The following LIPC variants were observed in gnomAD, a reference collection of about 807,000 sequenced individuals.
The protein encoded by LIPC is lipase C, hepatic type.
In LIPC, 44 loss-of-function variants were observed where a neutral mutation model predicts 50.7. That is an observed-to-expected ratio of 0.87 (90% CI 0.68 to 1.11). The LOEUF (loss-of-function observed/expected upper bound fraction) is 1.11, where lower values mean the gene tolerates loss of function less well. Ranked by LOEUF, LIPC falls within the 50% of genes most tolerant of loss-of-function variation. LIPC has a pLI of 0.00. For synonymous variants in LIPC, 271 were observed against 256.4 expected (o/e 1.06, Z -0.54); for missense variants, 697 against 648.2 (o/e 1.08, Z -0.82).
chr15:58,513,462 C>G (rs905537434), intron 1 of LIPC, among the ~76,000 whole-genome samples: 1 of 152,182 alleles, frequency 6.6e-6, no homozygotes, highest in African/African-American at 2.4e-5. Flanking sequence ...CAAACCGTTG[C>G]TCTGGGCTGC....
At chr15:58,548,709 A>G in intron 6 of LIPC, 137 bp downstream of exon 6, 1 of 1,228,102 alleles carries the variant, frequency 8.1e-7, no homozygotes, top group Non-Finnish European at 1.1e-6. Flanking sequence ...TGCAGGCTCC[A>G]GACAGCAACG....
At chr15:58,491,870 C>T (rs1260902617) in intron 1 of LIPC, among the ~76,000 whole-genome samples, 1 of 152,214 alleles carries the variant, frequency 6.6e-6, no homozygotes, top group Non-Finnish European at 1.5e-5. Context: ...CTGCCTGCCA[C>T]GTGATTCCTA....
intron 1 of LIPC, among the ~76,000 whole-genome samples, chr15:58,471,336 G>GGA (rs35752762): frequency 2.2e-5 from 3 of 135,006 alleles, no homozygotes; most frequent in Admixed American, 2.1e-4. Context: ...GATGGGGGGG[G>GGA]GTGGTCTCAC....
At chr15:58,511,698 T>C (rs1211374305) in intron 1 of LIPC, among the ~76,000 whole-genome samples, 1 of 152,210 alleles carries the variant, frequency 6.6e-6, no homozygotes, top group South Asian at 2.1e-4. Context: ...TTCCAGGAAT[T>C]CATTCAAAGA....
chr15:58,494,895 G>A (rs892437003), intron 1 of LIPC: 24 of 455,978 alleles, frequency 5.3e-5, no homozygotes, highest in South Asian at 2.5e-4. Flanking sequence ...TGTTTTGATT[G>A]ACAATACAAA....
intron 1 of LIPC, among the ~76,000 whole-genome samples, chr15:58,444,162 G>T (rs1237449322): frequency 2.0e-5 from 3 of 152,180 alleles, no homozygotes; most frequent in Admixed American, 6.5e-5. Flanking sequence ...GGCACTCTTG[G>T]TGTATTATTG....
intron 1 of LIPC, among the ~76,000 whole-genome samples, chr15:58,440,066 A>C (rs1893451344): frequency 6.6e-6 from 1 of 152,252 alleles, no homozygotes; most frequent in African/African-American, 2.4e-5. Context: ...CTACAACCCC[A>C]AAAGTATTTA....
chr15:58,471,065 C>T (rs1894775058), intron 1 of LIPC, among the ~76,000 whole-genome samples: 1 of 151,128 alleles, frequency 6.6e-6, no homozygotes, highest in Admixed American at 6.6e-5. Context: ...TTTATGGAGG[C>T]CTCAGGACAT....
At chr15:58,496,866 G>C (rs1891788725) in intron 1 of LIPC, among the ~76,000 whole-genome samples, 1 of 152,022 alleles carries the variant, frequency 6.6e-6, no homozygotes, top group East Asian at 1.9e-4. Context: ...TGTATTTTTA[G>C]TAGAGATAGG....
chr15:58,462,837 G>A (rs1286944484), intron 1 of LIPC, among the ~76,000 whole-genome samples: 2 of 152,176 alleles, frequency 1.3e-5, no homozygotes, highest in Non-Finnish European at 2.9e-5. Flanking sequence ...CAGGCCTGAA[G>A]AACCCTTTCC....
At chr15:58,437,628 G>A (rs761066261) in intron 1 of LIPC, among the ~76,000 whole-genome samples, 95 of 151,776 alleles carry the variant, frequency 6.3e-4, no homozygotes, top group Non-Finnish European at 1.3e-3. Context: ...CTGTCCTTCC[G>A]ACCTGCCACC....
chr15:58,507,501 A>G (rs1246789819), intron 1 of LIPC, among the ~76,000 whole-genome samples: 1 of 152,222 alleles, frequency 6.6e-6, no homozygotes, highest in African/African-American at 2.4e-5. Context: ...TCTTTGAATC[A>G]AGGATTCCCC....
chr15:58,444,571 G>C (rs1322043312), intron 1 of LIPC, among the ~76,000 whole-genome samples: 2 of 152,158 alleles, frequency 1.3e-5, no homozygotes, highest in Non-Finnish European at 2.9e-5. Context: ...TTCTTCTGAG[G>C]CCTCTCTCCT....
chr15:58,516,999 G>A (rs1892506156), intron 1 of LIPC, among the ~76,000 whole-genome samples: 1 of 152,198 alleles, frequency 6.6e-6, no homozygotes, highest in Admixed American at 6.5e-5. Flanking sequence ...GAAATAGTTT[G>A]ACCCTTTTGA....
chr15:58,479,505 C>T (rs1014170964), intron 1 of LIPC, among the ~76,000 whole-genome samples: 4 of 152,190 alleles, frequency 2.6e-5, no homozygotes, highest in African/African-American at 4.8e-5. Flanking sequence ...CTGCCTGGTC[C>T]GCCTACAGAG....
At chr15:58,448,249 T>G (rs1369317046) in intron 1 of LIPC, among the ~76,000 whole-genome samples, 2 of 152,204 alleles carry the variant, frequency 1.3e-5, no homozygotes, top group African/African-American at 4.8e-5. Context: ...AGTCCCTTCC[T>G]GTCTGCCAAA....
At chr15:58,491,146 C>T (rs1368519433) in intron 1 of LIPC, among the ~76,000 whole-genome samples, 1 of 152,214 alleles carries the variant, frequency 6.6e-6, no homozygotes, top group Admixed American at 6.5e-5. Flanking sequence ...AGAGGACAGA[C>T]ATCCCGTGCA....
At chr15:58,495,907 T>C (rs1340604784) in intron 1 of LIPC, among the ~76,000 whole-genome samples, 1 of 152,246 alleles carries the variant, frequency 6.6e-6, no homozygotes, top group Non-Finnish European at 1.5e-5. Flanking sequence ...GAACATATGC[T>C]CTGATATATT....
At chr15:58,564,065 A>C in intron 8 of LIPC, 1 of 387,282 alleles carries the variant, frequency 2.6e-6, no homozygotes, top group African/African-American at 2.1e-5. Context: ...TGCCAGTCCA[A>C]GGTGCTGTGG....
Sources: gnomAD v4.1 joint callset for allele counts (sites outside exome capture counted in the v4.1 genomes callset) on GRCh38, gnomAD v4.1.1 for gene constraint, MANE v1.5 for transcripts, NCBI Gene and HGNC (gene_info 2026-07-23, HGNC 2026-07-21) for gene names.